The following ANP32B variants were observed in gnomAD, a reference collection of about 807,000 sequenced individuals.
ANP32B encodes the protein acidic nuclear phosphoprotein 32 family member B, also known as acidic leucine-rich nuclear phosphoprotein 32 family member B.
Under a neutral mutation model 32.2 loss-of-function variants are expected in ANP32B, and 6 were observed. That is an observed-to-expected ratio of 0.19 (90% CI 0.10 to 0.37). The LOEUF (loss-of-function observed/expected upper bound fraction) is 0.37, where lower values mean the gene tolerates loss of function less well. Ranked by LOEUF, ANP32B falls within the 10% of genes least tolerant of loss-of-function variation. The pLI, the probability that ANP32B is intolerant of heterozygous loss-of-function variation, is 1.00. For missense variants in ANP32B, 204 were observed against 289.2 expected (o/e 0.71, Z 2.14); for synonymous variants, 98 against 105.8 (o/e 0.93, Z 0.45).
chr9:98,002,020 C>T (rs1007112370), intron 3 of ANP32B, among the ~76,000 whole-genome samples: 1 of 152,198 alleles, frequency 6.6e-6, no homozygotes, highest in African/African-American at 2.4e-5. Context: ...GGGGTCCCGC[C>T]ATTCTGCTAT....
At chr9:98,009,741 A>T (rs1253412103) in intron 4 of ANP32B, among the ~76,000 whole-genome samples, 1 of 152,272 alleles carries the variant, frequency 6.6e-6, no homozygotes, top group Non-Finnish European at 1.5e-5. Flanking sequence ...CAGAATGATT[A>T]GTTTTCACAT....
chr9:98,000,043 G>C (rs1827964219), intron 3 of ANP32B, among the ~76,000 whole-genome samples: 2 of 152,218 alleles, frequency 1.3e-5, no homozygotes, highest in South Asian at 4.1e-4. Flanking sequence ...TTTTAATGAA[G>C]AGGACTTCCT....
At position 98,015,702 on chromosome 9, in the gene ANP32B, A is replaced by G. The variant is rs1828267948; in HGVS notation, c.*271A>G. ...GTAAGATTCTTGCTGTAGCGTGGAT[A>G]GCTGTGATTGGTGAGTCAACCGTCT... is the stretch of plus-strand genomic sequence containing the variant. On this transcript the variant is annotated 3_prime_UTR_variant, in exon 7 of 7. Transcript: ENST00000339399. 1 of 1,088,710 alleles carries G rather than the reference A, an allele frequency of 9.2e-7. No homozygotes were observed. The highest frequency in any genetic ancestry group is 1.1e-6 in the Non-Finnish European group (1 of 893,524). The allele number at this position is 1,088,710 out of a possible 1,614,324, so 67.4% of individuals were successfully genotyped here. A position where few individuals can be genotyped will look rare whatever the true frequency, so the allele number is the denominator to read the frequency against.
intron 5 of ANP32B, 83 bp downstream of exon 5, chr9:98,011,472 A>G (rs1201692815): frequency 2.0e-6 from 3 of 1,514,670 alleles, no homozygotes; most frequent in Non-Finnish European, 2.7e-6. Context: ...AAAAGAAAAG[A>G]AAAAACACCT....
chr9:98,013,748 A>G (rs751922823), intron 6 of ANP32B, among the ~76,000 whole-genome samples: 16 of 152,068 alleles, frequency 1.1e-4, no homozygotes, highest in Non-Finnish European at 2.1e-4. Flanking sequence ...AAAATTAAAA[A>G]ATTAGTCAGG....
In ANP32B at chr9:98,015,677, G is replaced by C; in HGVS notation, c.*246G>C. On this transcript the variant is annotated 3_prime_UTR_variant, in exon 7 of 7. Coordinates refer to ENST00000339399, the MANE Select transcript of ANP32B (RefSeq NM_006401.3). ...ATTGTAAGCGTTGTTAGGTTTTTGTGTAAGATTCTTGCTGTAGCGTGGATA... is the reference window on the plus strand; with the variant it reads ...ATTGTAAGCGTTGTTAGGTTTTTGTCTAAGATTCTTGCTGTAGCGTGGATA... The C allele has an allele frequency of 8.5e-7, 1 of 1,179,762 alleles. No homozygotes were observed. The highest frequency in any genetic ancestry group is 2.6e-5 in the South Asian group (1 of 38,996). The allele number at this position is 1,179,762 out of a possible 1,614,324, so 73.1% of individuals were successfully genotyped here. A position where few individuals can be genotyped will look rare whatever the true frequency, so the allele number is the denominator to read the frequency against.
intron 1 of ANP32B, among the ~76,000 whole-genome samples, chr9:97,984,100 C>T (rs1325812915): frequency 1.3e-5 from 2 of 149,516 alleles, no homozygotes; most frequent in African/African-American, 4.9e-5. Context: ...GCTCTTGTGG[C>T]CGGAGCTCGC....
intron 1 of ANP32B, among the ~76,000 whole-genome samples, chr9:97,991,047 C>A (rs1042117168): frequency 1.3e-5 from 2 of 151,718 alleles, no homozygotes; most frequent in Admixed American, 6.6e-5. Context: ...GTCTCAAACT[C>A]CTGACCTCAG....
intron 4 of ANP32B, among the ~76,000 whole-genome samples, chr9:98,007,892 C>T (rs1828113974): frequency 1.3e-5 from 2 of 152,224 alleles, no homozygotes; most frequent in African/African-American, 2.4e-5. Flanking sequence ...AGCGAGATGG[C>T]GTTCTAAAGG....
chr9:98,015,647 A>G lies in ANP32B; in HGVS notation c.*216A>G, dbSNP rs368430730. The G allele has an allele frequency of 1.4e-4, 171 of 1,246,678 alleles. No individual in the cohort carries two copies. In the African/African-American group the frequency reaches 2.2e-3, roughly 16 times the overall value. 77.2% of individuals were successfully genotyped at this position (1,246,678 alleles called of 1,614,324 possible). On this transcript the variant is annotated 3_prime_UTR_variant, in exon 7 of 7. Coordinates refer to ENST00000339399, the MANE Select transcript of ANP32B (RefSeq NM_006401.3). ...CACCAAGCTTGTGGACTTCACCCCA[A>G]CAAAATTGTAAGCGTTGTTAGGTTT...
intron 2 of ANP32B, among the ~76,000 whole-genome samples, chr9:97,996,745 C>T (rs1827912558): frequency 6.6e-6 from 1 of 151,894 alleles, no homozygotes; most frequent in African/African-American, 2.4e-5. Flanking sequence ...AGACATGCAC[C>T]ACCACGCCTG....
In ANP32B at chr9:98,011,325, A is replaced by T. The variant is rs1223355183; in HGVS notation, c.572A>T (p.Asp191Val). The T allele has an allele frequency of 6.5e-7, 1 of 1,549,530 alleles. No homozygotes were observed. Among genetic ancestry groups the T allele is most frequent in the East Asian group, 2.4e-5 (1 of 41,348 alleles). Residue 191 changes from aspartate to valine, a missense_variant, in exon 5 of 7, where the codon GAT (aspartate) becomes GTT (valine). Asp to Val is a radical substitution (Grantham distance 152). Coordinates refer to ENST00000339399, the MANE Select transcript of ANP32B (RefSeq NM_006401.3). ...GAGGATGGTGAAGAAGAGGAGTTTG[A>T]TGAAGAAGATGATGAAGATGAAGAT... ...DDEDGEEEEFDEEDDEDEDVE... is the reference protein window; with the variant it reads ...DDEDGEEEEFVEEDDEDEDVE...
chr9:98,013,417 A>T (rs937168293), intron 6 of ANP32B, among the ~76,000 whole-genome samples: 1 of 152,128 alleles, frequency 6.6e-6, no homozygotes, highest in African/African-American at 2.4e-5. Flanking sequence ...TTCATTTTTT[A>T]AAAAAAGGCT....
chr9:98,015,778 A>G lies in ANP32B; in HGVS notation c.*347A>G, dbSNP rs1012750435. The G allele has an allele frequency of 1.0e-6, 1 of 993,508 alleles. No individual in the cohort carries two copies. The highest frequency in any genetic ancestry group is 1.7e-5 in the African/African-American group (1 of 57,558). 61.5% of individuals were successfully genotyped at this position (993,508 alleles called of 1,614,324 possible). A position where few individuals can be genotyped will look rare whatever the true frequency, so the allele number is the denominator to read the frequency against. On this transcript the variant is annotated 3_prime_UTR_variant, in exon 7 of 7. Coordinates refer to ENST00000339399, the MANE Select transcript of ANP32B (RefSeq NM_006401.3). ...TAACAGCATTTTTACTTTCTGTACAACAAAAAAGCTTTGTAAATAAAATCT... is the reference window on the plus strand; with the variant it reads ...TAACAGCATTTTTACTTTCTGTACAGCAAAAAAGCTTTGTAAATAAAATCT...
At chr9:98,013,458 A>G (rs910268595) in intron 6 of ANP32B, among the ~76,000 whole-genome samples, 4 of 152,360 alleles carry the variant, frequency 2.6e-5, no homozygotes, top group African/African-American at 9.6e-5. Flanking sequence ...TTCAGGATAT[A>G]TAAATAGATG....
At chr9:97,984,712 G>T (rs1827676908) in intron 1 of ANP32B, 2 of 148,344 alleles carry the variant, frequency 1.3e-5, no homozygotes, top group South Asian at 2.3e-4. Context: ...CCCCCGCCCC[G>T]CCGGGGCTTG....
At chr9:97,985,164 C>T (rs1266245779) in intron 1 of ANP32B, among the ~76,000 whole-genome samples, 2 of 151,800 alleles carry the variant, frequency 1.3e-5, no homozygotes, top group Non-Finnish European at 2.9e-5. Context: ...CCCGCGGGGC[C>T]TCCCGACCCG....
intron 4 of ANP32B, 119 bp downstream of exon 4, chr9:98,005,272 C>T (rs1040622989): frequency 2.5e-5 from 23 of 936,296 alleles, no homozygotes; most frequent in Admixed American, 5.7e-5. Flanking sequence ...TTTGGGTGGC[C>T]GAGGCAGGGG....
chr9:98,014,521 G>A (rs995193556), intron 6 of ANP32B, among the ~76,000 whole-genome samples: 3 of 151,960 alleles, frequency 2.0e-5, no homozygotes, highest in South Asian at 2.1e-4. Context: ...TCTGTGTCTC[G>A]ACTACATAAT....
Sources: allele counts gnomAD v4.1 joint callset (sites outside exome capture counted in the v4.1 genomes callset), GRCh38; gene constraint gnomAD v4.1.1; transcripts MANE v1.5; gene names NCBI Gene and HGNC (gene_info 2026-07-23, HGNC 2026-07-21).